The following ARSB variants were observed in gnomAD, a reference collection of about 807,000 sequenced individuals.
ARSB encodes the protein N-acetylgalactosamine-4-sulfatase.
Under a neutral mutation model 50.9 loss-of-function variants are expected in ARSB, and 41 were observed. That is an observed-to-expected ratio of 0.81 (90% CI 0.63 to 1.04). The LOEUF is 1.04. Ranked by LOEUF, ARSB falls within the 50% of genes least tolerant of loss-of-function variation. The probability of loss-of-function intolerance (pLI) is 0.00; values close to 1 mark genes in which losing one functional copy is unlikely to be tolerated. For missense variants in ARSB, 672 were observed against 693.3 expected, an observed-to-expected ratio of 0.97 and a Z score of 0.35; for synonymous variants, 269 against 284.8, an observed-to-expected ratio of 0.94 and a Z score of 0.56.
chr5:78,980,008 C>A (rs184410852), intron 1 of ARSB, among the ~76,000 whole-genome samples: 112 of 152,302 alleles, frequency 7.4e-4, no homozygotes, highest in Non-Finnish European at 1.3e-3. Flanking sequence ...GAAAGGACAT[C>A]TATTGTATTC....
At chr5:78,884,307 C>CTA (rs1169549497) in intron 5 of ARSB, 1 of 151,946 alleles carries the variant, frequency 6.6e-6, no homozygotes, top group Non-Finnish European at 1.5e-5. Context: ...TGCACCTTAC[C>CTA]TATATTCTTT....
intron 6 of ARSB, among the ~76,000 whole-genome samples, chr5:78,790,050 G>A (rs987090667): frequency 2.6e-5 from 4 of 152,160 alleles, no homozygotes; most frequent in East Asian, 1.9e-4. Context: ...TTTCCTCTCC[G>A]AAATGCTGCT....
intron 5 of ARSB, among the ~76,000 whole-genome samples, chr5:78,842,024 T>C (rs920154519): frequency 6.6e-6 from 1 of 151,096 alleles, no homozygotes; most frequent in Non-Finnish European, 1.5e-5. Flanking sequence ...GAGGGGGAGG[T>C]AGAGAGGGAT....
chr5:78,858,907 G>C (rs1441891150), intron 5 of ARSB, among the ~76,000 whole-genome samples: 4 of 152,112 alleles, frequency 2.6e-5, no homozygotes, highest in African/African-American at 9.7e-5. Flanking sequence ...TACAGGATAG[G>C]TTGTTATTTG....
intron 6 of ARSB, among the ~76,000 whole-genome samples, chr5:78,791,425 A>G (rs1749232616): frequency 6.6e-6 from 1 of 152,222 alleles, no homozygotes; most frequent in African/African-American, 2.4e-5. Context: ...CCACTTCTTT[A>G]TGGCTCACTC....
intron 4 of ARSB, among the ~76,000 whole-genome samples, chr5:78,917,181 G>A (rs531907231): frequency 5.1e-4 from 78 of 152,212 alleles, no homozygotes; most frequent in African/African-American, 1.8e-3. Flanking sequence ...AAGTTCAAAG[G>A]CCCTCTCTAA....
intron 1 of ARSB, among the ~76,000 whole-genome samples, chr5:78,977,301 G>C (rs956141135): frequency 6.6e-6 from 1 of 151,984 alleles, no homozygotes; most frequent in African/African-American, 2.4e-5. Context: ...TTACAGGTGC[G>C]CACCATCATA....
At chr5:78,817,043 A>G in intron 6 of ARSB, 1 of 976,530 alleles carries the variant, frequency 1.0e-6, no homozygotes, top group Non-Finnish European at 1.2e-6. Context: ...AATTTGCTAT[A>G]CAGCGATAGG....
At chr5:78,963,250 C>T (rs1054603825) in intron 3 of ARSB, among the ~76,000 whole-genome samples, 6 of 152,218 alleles carry the variant, frequency 3.9e-5, no homozygotes, top group African/African-American at 1.4e-4. Context: ...TGGAAGCTTC[C>T]TGAAGCCCTT....
At chr5:78,976,461 G>A (rs999099570) in intron 1 of ARSB, among the ~76,000 whole-genome samples, 12 of 151,690 alleles carry the variant, frequency 7.9e-5, no homozygotes, top group South Asian at 4.2e-4. Context: ...GACTACAGGC[G>A]CTTACCACCA....
At position 78,780,247 on chromosome 5, in the gene ARSB, T is replaced by G; in HGVS notation, c.*150A>C. ...AGATTTTATCAGCTTCTTAAATGCA[T>G]TAGGGGTTGAAATTAGACACCTCGG... On this transcript the variant is annotated 3_prime_UTR_variant, in exon 8 of 8. Transcript: ENST00000264914. The G allele has an allele frequency of 1.7e-5, 16 of 969,440 alleles. No individual in the cohort carries two copies. The highest frequency in any genetic ancestry group is 1.8e-5 in the Non-Finnish European group (11 of 627,000). 60.1% of individuals were successfully genotyped at this position (969,440 alleles called of 1,614,324 possible).
intron 5 of ARSB, among the ~76,000 whole-genome samples, chr5:78,870,828 G>A (rs902685031): frequency 1.3e-5 from 2 of 151,878 alleles, no homozygotes; most frequent in Non-Finnish European, 2.9e-5. Context: ...AATTAGGCAG[G>A]GGAAGGAAAT....
chr5:78,840,839 A>G (rs912471657), intron 5 of ARSB, among the ~76,000 whole-genome samples: 2 of 152,146 alleles, frequency 1.3e-5, no homozygotes, highest in African/African-American at 4.8e-5. Context: ...GGAGACACTT[A>G]ACTGCCTGAA....
At chr5:78,828,518 T>C (rs755846739) in intron 6 of ARSB, among the ~76,000 whole-genome samples, 19 of 152,182 alleles carry the variant, frequency 1.2e-4, no homozygotes, top group Non-Finnish European at 2.2e-4. Context: ...GGCCTGAGTG[T>C]TTTAGCCCTC....
chr5:78,787,138 A>ATTTATCTATCTATCTATT lies in ARSB; in HGVS notation c.1214-5165_1214-5164insAATAGATAGATAGATAAA, dbSNP rs3035252. Reference sequence around the variant, plus strand: ...TCTATCTATCTATCTATCTATCTATATAGATACAGGTTTCACTATGTTGGC... The same window carrying ATTTATCTATCTATCTATT: ...TCTATCTATCTATCTATCTATCTATATTTATCTATCTATCTATTTAGATACAGGTTTCACTATGTTGGC... On this transcript the variant is annotated intron_variant, in intron 6 of 7. Coordinates refer to ENST00000264914, the MANE Select transcript of ARSB (RefSeq NM_000046.5). 1.2e-3 allele frequency among the ~76,000 whole-genome samples: 132 copies of ATTTATCTATCTATCTATT among 112,270 alleles called. 1 individual carries two copies. Among genetic ancestry groups the ATTTATCTATCTATCTATT allele is most frequent in the African/African-American group, 4.0e-3 (126 of 31,524 alleles). The allele number at this position is 112,270 out of a possible 152,430, so 73.7% of individuals were successfully genotyped here. A position where few individuals can be genotyped will look rare whatever the true frequency, so the allele number is the denominator to read the frequency against.
At chr5:78,921,488 C>T (rs338459) in intron 4 of ARSB, among the ~76,000 whole-genome samples, 151,329 of 152,350 alleles carry the variant, frequency 0.99, 75,161 homozygotes, top group East Asian at 1. Context: ...TGATTATAAA[C>T]TGAAATAATA....
chr5:78,824,924 G>A (rs1262023706), intron 6 of ARSB, among the ~76,000 whole-genome samples: 2 of 152,184 alleles, frequency 1.3e-5, no homozygotes, highest in African/African-American at 4.8e-5. Flanking sequence ...GACAGATGTG[G>A]TTAGTAACTC....
chr5:78,944,986 C>T (rs562898323), intron 4 of ARSB, among the ~76,000 whole-genome samples: 5 of 152,244 alleles, frequency 3.3e-5, no homozygotes, highest in African/African-American at 1.2e-4. Context: ...GGTGGGCGCC[C>T]CTCCCCCATC....
chr5:78,795,550 A>G (rs1021594198), intron 6 of ARSB, among the ~76,000 whole-genome samples: 2 of 152,224 alleles, frequency 1.3e-5, no homozygotes, highest in African/African-American at 4.8e-5. Flanking sequence ...CCACCATTAA[A>G]TACTTCCCTC....
Sources: allele counts gnomAD v4.1 joint callset (sites outside exome capture counted in the v4.1 genomes callset), GRCh38; gene constraint gnomAD v4.1.1; transcripts MANE v1.5; gene names NCBI Gene and HGNC (gene_info 2026-07-23, HGNC 2026-07-21).